Variants in MRPL1 observed in about 807,000 individuals in gnomAD.
MRPL1 encodes large ribosomal subunit protein uL1m.
A neutral mutation model predicts 38.0 loss-of-function variants in MRPL1; 28 were observed. The ratio of observed to expected loss-of-function variants is 0.74; its 90% CI spans 0.55 to 1.01. MRPL1 has a LOEUF of 1.01. Among genes scored for constraint, MRPL1 ranks in the 50% least tolerant of loss-of-function variants. The pLI, the probability that MRPL1 is intolerant of heterozygous loss-of-function variation, is 0.00. For synonymous variants in MRPL1, 123 were observed against 126.7 expected, an observed-to-expected ratio of 0.97 and a Z score of 0.20; for missense variants, 358 against 389.8, an observed-to-expected ratio of 0.92 and a Z score of 0.69.
intron 7 of MRPL1, among the ~76,000 whole-genome samples, chr4:77,919,849 A>G (rs5013032): frequency 0.026 from 3,953 of 149,424 alleles, 145 homozygotes; most frequent in African/African-American, 0.087. Context: ...ATATATATAT[A>G]TGTGTGTGTG....
At chr4:77,914,924 G>C (rs1736386044) in intron 7 of MRPL1, among the ~76,000 whole-genome samples, 1 of 152,152 alleles carries the variant, frequency 6.6e-6, no homozygotes, top group Non-Finnish European at 1.5e-5. Context: ...TGTATAGCCT[G>C]TGAGCTAACA....
At chr4:77,890,383 A>C (rs1735778973) in intron 5 of MRPL1, among the ~76,000 whole-genome samples, 1 of 152,190 alleles carries the variant, frequency 6.6e-6, no homozygotes, top group South Asian at 2.1e-4. Context: ...CAAAGACAAA[A>C]ACCACATGAT....
Position 77,949,866 on chromosome 4 carries a change from C to CCGCT in MRPL1, c.848_851dup (p.Asn285AlafsTer14). 1 of 1,608,052 alleles carries CCGCT rather than the reference C, an allele frequency of 6.2e-7. No homozygotes were observed. Among genetic ancestry groups the CCGCT allele is most frequent in the South Asian group, 1.1e-5 (1 of 90,194 alleles). On this transcript the variant is annotated frameshift_variant, in exon 8 of 9. Coordinates refer to ENST00000315567, the MANE Select transcript of MRPL1 (RefSeq NM_020236.4). LOFTEE classifies it high-confidence loss of function. ...TATTAATGAAGTTTGTAGGCACAGA[C>CCGCT]CGCTGAATTTGGGTAAGTGGTTTGC...
In MRPL1 at chr4:77,862,857, G is replaced by A; in HGVS notation, c.9G>A (p.Ala3=). ...AATCCGGAGTGCCCAACATGGCGGC[G>A]GCCGTAAGGTGCATGGGTAGAGGTA... The part of the protein sequence containing the change: MA[A]AVRCMGRALI... Residue 3 remains alanine, a synonymous_variant, in exon 1 of 9, where the codon GCG becomes GCA. Coordinates refer to ENST00000315567, the MANE Select transcript of MRPL1 (RefSeq NM_020236.4). 6.2e-7 allele frequency: 1 copy of A among 1,614,128 alleles called. No homozygotes were observed. Among genetic ancestry groups the A allele is most frequent in the South Asian group, 1.1e-5 (1 of 91,076 alleles).
At chr4:77,867,306 A>C (rs1735168695) in intron 1 of MRPL1, among the ~76,000 whole-genome samples, 1 of 152,200 alleles carries the variant, frequency 6.6e-6, no homozygotes, top group South Asian at 2.1e-4. Flanking sequence ...GAATAAATGG[A>C]TCATCAGAAA....
intron 7 of MRPL1, among the ~76,000 whole-genome samples, chr4:77,918,083 A>G (rs1179983411): frequency 6.6e-6 from 1 of 151,570 alleles, no homozygotes; most frequent in Non-Finnish European, 1.5e-5. Flanking sequence ...ATGTGTTTAT[A>G]TATATACATG....
chr4:77,871,439 G>A (rs1391807638), intron 1 of MRPL1, among the ~76,000 whole-genome samples: 3 of 151,898 alleles, frequency 2.0e-5, no homozygotes, highest in African/African-American at 7.3e-5. Flanking sequence ...CAAGTAGCTG[G>A]GACTACAGGT....
intron 4 of MRPL1, among the ~76,000 whole-genome samples, chr4:77,886,894 G>A (rs1401988972): frequency 6.9e-6 from 1 of 144,958 alleles, no homozygotes; most frequent in African/African-American, 2.5e-5. Context: ...CTGGGTTCAA[G>A]GATTCTTCTG....
intron 2 of MRPL1, among the ~76,000 whole-genome samples, chr4:77,875,932 C>G (rs889757047): frequency 1.3e-5 from 2 of 152,100 alleles, no homozygotes; most frequent in African/African-American, 4.8e-5. Flanking sequence ...GCCTAACAAC[C>G]TTGGATACCA....
At chr4:77,933,622 C>T (rs183492919) in intron 7 of MRPL1, among the ~76,000 whole-genome samples, 4 of 152,190 alleles carry the variant, frequency 2.6e-5, no homozygotes, top group Non-Finnish European at 5.9e-5. Flanking sequence ...ATGAAGAGAG[C>T]CTGAGGGTCC....
At chr4:77,940,869 C>G (rs1409826895) in intron 7 of MRPL1, among the ~76,000 whole-genome samples, 2 of 152,156 alleles carry the variant, frequency 1.3e-5, no homozygotes, top group Non-Finnish European at 2.9e-5. Context: ...ATATGTTAAA[C>G]TATGCCTGCA....
chr4:77,921,768 CAG>C (rs969683068), intron 7 of MRPL1, among the ~76,000 whole-genome samples: 4 of 146,846 alleles, frequency 2.7e-5, no homozygotes, highest in East Asian at 2.0e-4. Context: ...GCCTTTCGTG[CAG>C]AGTTTTTTTT....
At chr4:77,939,389 G>GT (rs934262442) in intron 7 of MRPL1, among the ~76,000 whole-genome samples, 4 of 151,740 alleles carry the variant, frequency 2.6e-5, no homozygotes, top group East Asian at 1.9e-4. Flanking sequence ...GGGATTGCTT[G>GT]TTTTTTTTCT....
In MRPL1 at chr4:77,912,347, C is replaced by T. The variant is rs114622381; in HGVS notation, c.777+2975C>T. On this transcript the variant is annotated intron_variant, in intron 7 of 8. Transcript: ENST00000315567. ...TTACATGTTCTAGCTACTAGAACAACGAAGTGAGTTAACTAAGGTTGAAGG... is the reference window on the plus strand; with the variant it reads ...TTACATGTTCTAGCTACTAGAACAATGAAGTGAGTTAACTAAGGTTGAAGG... 2.4e-3 allele frequency among the ~76,000 whole-genome samples: 360 copies of T among 151,936 alleles called. 3 individuals carry two copies. The highest frequency in any genetic ancestry group is 7.9e-3 in the African/African-American group (328 of 41,448).
At chr4:77,949,070 C>T (rs112322877) in intron 7 of MRPL1, among the ~76,000 whole-genome samples, 10 of 152,226 alleles carry the variant, frequency 6.6e-5, no homozygotes, top group African/African-American at 2.2e-4. Context: ...CGTGCCCAGC[C>T]GTGAACTTTT....
chr4:77,907,651 G>A (rs1014477897), intron 6 of MRPL1, among the ~76,000 whole-genome samples: 2 of 150,920 alleles, frequency 1.3e-5, no homozygotes, highest in Non-Finnish European at 1.5e-5. Context: ...TGCAACCTCC[G>A]CCTCCTGGGT....
chr4:77,905,636 G>T (rs1057183604), intron 6 of MRPL1, among the ~76,000 whole-genome samples: 2 of 151,754 alleles, frequency 1.3e-5, no homozygotes, highest in Admixed American at 6.6e-5. Context: ...AGGAAGTTTT[G>T]TTTGTGTTTT....
chr4:77,921,772 G>T, intron 7 of MRPL1, among the ~76,000 whole-genome samples: 1 of 144,126 alleles, frequency 6.9e-6, no homozygotes, highest in South Asian at 2.2e-4. Flanking sequence ...TTCGTGCAGA[G>T]TTTTTTTTTT....
rs35260448 is a variant in MRPL1, at chr4:77,947,011, CAA to C, written c.778-2772_778-2771del. Among the ~76,000 whole-genome samples, 1,092 of 127,476 alleles carry C rather than the reference CAA, an allele frequency of 8.6e-3. 6 individuals carry two copies. Among genetic ancestry groups the C allele is most frequent in the Non-Finnish European group, 0.012 (741 of 60,024 alleles). The allele number at this position is 127,476 out of a possible 152,430, so 83.6% of individuals were successfully genotyped here. On this transcript the variant is annotated intron_variant, in intron 7 of 8. Coordinates refer to ENST00000315567, the MANE Select transcript of MRPL1 (RefSeq NM_020236.4). ...TTATGACATGTGCATCTCAATGGGA[CAA>C]AAAAAAAAAAAAAGTTAAGAACCAC...
Sources: allele counts gnomAD v4.1 joint callset (sites outside exome capture counted in the v4.1 genomes callset), GRCh38; gene constraint gnomAD v4.1.1; transcripts MANE v1.5; gene names NCBI Gene and HGNC (gene_info 2026-07-23, HGNC 2026-07-21).